Variants in CDC14B observed in about 807,000 individuals in gnomAD.
CDC14B encodes the protein dual specificity protein phosphatase CDC14B.
In CDC14B, 22 loss-of-function variants were observed where a neutral mutation model predicts 64.2. That is an observed-to-expected ratio of 0.34 (90% CI 0.24 to 0.49). The LOEUF is 0.49. Ranked by LOEUF, CDC14B falls within the 20% of genes least tolerant of loss-of-function variation. The pLI, the probability that CDC14B is intolerant of heterozygous loss-of-function variation, is 0.99. For synonymous variants in CDC14B, 191 were observed against 215.8 expected (o/e 0.89, Z 1.01); for missense variants, 498 against 629.9 (o/e 0.79, Z 2.24).
chr9:96,578,419 A>G (rs1844933675), intron 1 of CDC14B, among the ~76,000 whole-genome samples: 1 of 152,246 alleles, frequency 6.6e-6, no homozygotes, highest in Admixed American at 6.5e-5. Context: ...GTAACTTTAC[A>G]GAAGAAAAAC....
chr9:96,574,625 C>A (rs1588015873), intron 1 of CDC14B, among the ~76,000 whole-genome samples: 1 of 124,672 alleles, frequency 8.0e-6, no homozygotes, highest in South Asian at 2.6e-4. Flanking sequence ...TGTTTCAATA[C>A]AAAAATTAGC....
intron 1 of CDC14B, among the ~76,000 whole-genome samples, chr9:96,591,231 T>C (rs189833236): frequency 1.3e-4 from 20 of 152,336 alleles, no homozygotes; most frequent in Non-Finnish European, 2.6e-4. Flanking sequence ...CTTTTATAGT[T>C]TCTGGTCTTA....
At chr9:96,593,273 G>A (rs948081774) in intron 1 of CDC14B, among the ~76,000 whole-genome samples, 3 of 152,100 alleles carry the variant, frequency 2.0e-5, no homozygotes, top group African/African-American at 7.2e-5. Context: ...CGGATCACGA[G>A]GTCAAGAGAT....
At chr9:96,552,730 C>T (rs1014584626) in intron 4 of CDC14B, among the ~76,000 whole-genome samples, 3 of 152,102 alleles carry the variant, frequency 2.0e-5, no homozygotes, top group African/African-American at 7.2e-5. Flanking sequence ...CCTCTGCCTA[C>T]CCCCTATTAC....
At chr9:96,603,155 GAC>G (rs5899295) in intron 1 of CDC14B, among the ~76,000 whole-genome samples, 9,246 of 137,688 alleles carry the variant, frequency 0.067, 569 homozygotes, top group African/African-American at 0.17. Flanking sequence ...GATAGAAACG[GAC>G]ACACACACAC....
chr9:96,495,645 G>A (rs1041115834), downstream of CDC14B, among the ~76,000 whole-genome samples: 13 of 152,174 alleles, frequency 8.5e-5, no homozygotes, highest in South Asian at 2.1e-4. Flanking sequence ...CGGTGATGCT[G>A]GGGAAGTTTT....
intron 1 of CDC14B, among the ~76,000 whole-genome samples, chr9:96,596,540 C>T (rs1434312687): frequency 6.6e-6 from 1 of 151,810 alleles, no homozygotes; most frequent in East Asian, 1.9e-4. Context: ...AGAAACTCTA[C>T]AAATGAAAAG....
intron 1 of CDC14B, among the ~76,000 whole-genome samples, chr9:96,585,626 G>A (rs1845414859): frequency 6.6e-6 from 1 of 152,140 alleles, no homozygotes; most frequent in Non-Finnish European, 1.5e-5. Flanking sequence ...CCAATTGTTG[G>A]AGAAGATGTA....
chr9:96,509,718 G>C lies in CDC14B; in HGVS notation c.1415C>G (p.Thr472Ser). ...EPNISGSAGI[T>S]KRTTRSASRK... is the part of the protein sequence containing the mutation. The stretch of plus-strand genomic sequence containing the variant: ...TGAAGCAGATCTGGTGGTTCTTTTA[G>C]TAATGCCTGCACTGCCAGAAATGTT... The change falls in exon 13 of 14, where the codon ACT becomes AGT. Residue 472 changes from threonine to serine, a missense_variant. Physicochemically the swap from Thr to Ser is moderately conservative, Grantham distance 58. Coordinates refer to ENST00000375241, the MANE Select transcript of CDC14B (RefSeq NM_033331.4). The C allele has an allele frequency of 6.2e-7, 1 of 1,612,834 alleles. No homozygotes were observed. The highest frequency in any genetic ancestry group is 8.5e-7 in the Non-Finnish European group (1 of 1,178,896).
intron 9 of CDC14B, among the ~76,000 whole-genome samples, chr9:96,526,992 A>G (rs377019103): frequency 3.3e-5 from 5 of 152,332 alleles, no homozygotes; most frequent in South Asian, 4.1e-4. Context: ...TTATGTTTAA[A>G]AATTGGAGTA....
chr9:96,605,848 C>T (rs10978322), intron 1 of CDC14B, among the ~76,000 whole-genome samples: 16 of 150,066 alleles, frequency 1.1e-4, no homozygotes, highest in Admixed American at 2.7e-4. Flanking sequence ...GCAACAAGAG[C>T]GAAATTTTGC....
At chr9:96,526,490 C>T (rs1837583161) in intron 9 of CDC14B, among the ~76,000 whole-genome samples, 1 of 152,204 alleles carries the variant, frequency 6.6e-6, no homozygotes, top group African/African-American at 2.4e-5. Context: ...CTGCCAGTGC[C>T]TTGCCCTTAG....
At chr9:96,553,818 T>C (rs1042407763) in intron 4 of CDC14B, among the ~76,000 whole-genome samples, 3 of 152,136 alleles carry the variant, frequency 2.0e-5, no homozygotes, top group Non-Finnish European at 2.9e-5. Context: ...AAGTCTTTCA[T>C]TTTCTCCATT....
At chr9:96,583,797 C>A (rs1845314453) in intron 1 of CDC14B, among the ~76,000 whole-genome samples, 1 of 152,180 alleles carries the variant, frequency 6.6e-6, no homozygotes, top group Admixed American at 6.5e-5. Flanking sequence ...AGGCTCCCTG[C>A]AAGCTCCGCC....
chr9:96,496,988 C>T (rs1246631576), downstream of CDC14B, among the ~76,000 whole-genome samples: 1 of 152,234 alleles, frequency 6.6e-6, no homozygotes, highest in Non-Finnish European at 1.5e-5. Context: ...CGCTGCATTC[C>T]CCGGAGTCCC....
intron 2 of CDC14B, 101 bp from the exon 3 acceptor site, chr9:96,564,953 T>A: frequency 1.4e-6 from 1 of 705,400 alleles, no homozygotes; most frequent in East Asian, 2.8e-5. Context: ...AGCAAGCATA[T>A]ACCAAATTGT....
intron 13 of CDC14B, among the ~76,000 whole-genome samples, chr9:96,494,337 T>C (rs1833162572): frequency 6.6e-6 from 1 of 152,240 alleles, no homozygotes; most frequent in Non-Finnish European, 1.5e-5. Context: ...TGTTTGCCTC[T>C]GTGCTCAGCC....
In CDC14B at chr9:96,619,131, G is replaced by T. The variant is rs1364573572; in HGVS notation, c.160+88C>A. 6 of 1,089,198 alleles carry T rather than the reference G, an allele frequency of 5.5e-6. No individual in the cohort carries two copies. The South Asian group carries it at 2.7e-4, about 49-fold the overall frequency. 67.5% of individuals were successfully genotyped at this position (1,089,198 alleles called of 1,614,324 possible). On this transcript the variant is annotated intron_variant, in intron 1 of 13. Transcript: ENST00000375241. ...AAGGCATTTCGGCCCGGCCCCGGAG[G>T]CCCCGGGCAGCCCGGTGGGAGGTGG...
intron 12 of CDC14B, among the ~76,000 whole-genome samples, chr9:96,512,350 C>T (rs1349288490): frequency 7.2e-6 from 1 of 138,056 alleles, no homozygotes; most frequent in East Asian, 2.1e-4. Flanking sequence ...TTTTAAGAGA[C>T]AGGGTCTCAC....
Sources: gnomAD v4.1 joint callset for allele counts (sites outside exome capture counted in the v4.1 genomes callset) on GRCh38, gnomAD v4.1.1 for gene constraint, MANE v1.5 for transcripts, NCBI Gene and HGNC (gene_info 2026-07-23, HGNC 2026-07-21) for gene names.